The following DCC variants were observed in gnomAD, a reference collection of about 807,000 sequenced individuals.
DCC encodes the protein netrin receptor DCC.
In DCC, 58 loss-of-function variants were observed where a neutral mutation model predicts 172.5. The observed-to-expected ratio is 0.34, with a 90% CI of 0.27 to 0.42. The LOEUF (loss-of-function observed/expected upper bound fraction) is 0.42, where lower values mean the gene tolerates loss of function less well. DCC is among the 10% of genes least tolerant of loss of function. The pLI is 1.00. For missense variants in DCC, 1,740 were observed against 1,791.0 expected, an observed-to-expected ratio of 0.97 and a Z score of 0.51; for synonymous variants, 709 against 644.5, an observed-to-expected ratio of 1.10 and a Z score of -1.52.
At chr18:52,855,349 T>A (rs981004376) in intron 2 of DCC, among the ~76,000 whole-genome samples, 1 of 152,222 alleles carries the variant, frequency 6.6e-6, no homozygotes, top group African/African-American at 2.4e-5. Context: ...ATTACTTATT[T>A]TCTCCCTGTA....
At chr18:52,702,780 T>TA (rs1352896398) in intron 1 of DCC, among the ~76,000 whole-genome samples, 2 of 152,208 alleles carry the variant, frequency 1.3e-5, no homozygotes, top group South Asian at 4.1e-4. Flanking sequence ...TTCTAAGGTC[T>TA]ATATCTGGCC....
chr18:53,021,108 G>A, intron 5 of DCC, among the ~76,000 whole-genome samples: 1 of 151,980 alleles, frequency 6.6e-6, no homozygotes, highest in East Asian at 1.9e-4. Flanking sequence ...CGGCCTGAGG[G>A]AAAGGGCACT....
chr18:52,911,464 A>G (rs113860158), intron 3 of DCC, among the ~76,000 whole-genome samples: 1 of 152,136 alleles, frequency 6.6e-6, no homozygotes, highest in Non-Finnish European at 1.5e-5. Context: ...CATGCCCTAA[A>G]TTGTACAATT....
intron 22 of DCC, among the ~76,000 whole-genome samples, chr18:53,448,385 G>A (rs1599162292): frequency 6.6e-6 from 1 of 152,118 alleles, no homozygotes. Context: ...GAGCAAAAGG[G>A]GGGAAAGGAC....
At chr18:53,286,782 C>T (rs924759282) in intron 12 of DCC, among the ~76,000 whole-genome samples, 1 of 152,184 alleles carries the variant, frequency 6.6e-6, no homozygotes, top group Non-Finnish European at 1.5e-5. Context: ...TTTAGGTTCC[C>T]TCTGGAAAGT....
At chr18:52,953,019 A>C (rs2040680911) in intron 5 of DCC, among the ~76,000 whole-genome samples, 3 of 150,956 alleles carry the variant, frequency 2.0e-5, no homozygotes, top group South Asian at 4.2e-4. Flanking sequence ...AAAAAAAAAA[A>C]AAAAAAAAAC....
At chr18:53,106,085 C>T (rs1285887142) in intron 7 of DCC, among the ~76,000 whole-genome samples, 1 of 151,690 alleles carries the variant, frequency 6.6e-6, no homozygotes, top group Non-Finnish European at 1.5e-5. Flanking sequence ...CAGAGCCCCC[C>T]AGTTATCAGT....
intron 1 of DCC, among the ~76,000 whole-genome samples, chr18:52,497,280 AATAT>A (rs1172366771): frequency 9.3e-5 from 2 of 21,562 alleles, no homozygotes; most frequent in South Asian, 1.2e-3. Flanking sequence ...AAAAAAAAAA[AATAT>A]ATATATATAT....
intron 5 of DCC, among the ~76,000 whole-genome samples, chr18:52,992,067 T>C (rs1299960060): frequency 6.6e-6 from 1 of 152,226 alleles, no homozygotes; most frequent in Admixed American, 6.6e-5. Context: ...GTTATTATTA[T>C]AGTCTACAGG....
chr18:53,128,130 C>T (rs2043592933), intron 7 of DCC, among the ~76,000 whole-genome samples: 1 of 152,066 alleles, frequency 6.6e-6, no homozygotes, highest in Non-Finnish European at 1.5e-5. Context: ...AATGAATAAA[C>T]CTAAGGTCAC....
intron 5 of DCC, among the ~76,000 whole-genome samples, chr18:53,047,939 T>C (rs2042279509): frequency 6.6e-6 from 1 of 151,102 alleles, no homozygotes; most frequent in Non-Finnish European, 1.5e-5. Context: ...GTGTATAGTT[T>C]ATGTATTTAA....
intron 1 of DCC, among the ~76,000 whole-genome samples, chr18:52,730,904 T>TAG (rs1431955349): frequency 1.3e-5 from 2 of 152,210 alleles, no homozygotes; most frequent in Non-Finnish European, 2.9e-5. Context: ...ATTGGTTTTC[T>TAG]AGAGAAGTCT....
intron 1 of DCC, among the ~76,000 whole-genome samples, chr18:52,550,087 A>T (rs1239876851): frequency 1.3e-5 from 2 of 152,044 alleles, no homozygotes. Flanking sequence ...GATAGTATGT[A>T]CCCTTTGTAG....
intron 1 of DCC, among the ~76,000 whole-genome samples, chr18:52,367,725 C>G (rs1474098220): frequency 1.3e-5 from 2 of 152,140 alleles, no homozygotes; most frequent in Non-Finnish European, 2.9e-5. Context: ...CCTCTAACAA[C>G]TTTGATGGGG....
At chr18:52,459,758 C>G (rs998074753) in intron 1 of DCC, among the ~76,000 whole-genome samples, 1 of 152,000 alleles carries the variant, frequency 6.6e-6, no homozygotes, top group Middle Eastern at 3.4e-3. Flanking sequence ...CGTGAGCAAC[C>G]GCGCCCAGGC....
chr18:53,407,128 TATC>T (rs957311430), intron 19 of DCC, among the ~76,000 whole-genome samples: 3 of 152,148 alleles, frequency 2.0e-5, no homozygotes, highest in African/African-American at 7.2e-5. Context: ...ACAAATATTT[TATC>T]ATCATCTGAT....
chr18:52,975,195 G>C (rs1568221703), intron 5 of DCC, among the ~76,000 whole-genome samples: 1 of 152,152 alleles, frequency 6.6e-6, no homozygotes, highest in Non-Finnish European at 1.5e-5. Flanking sequence ...GCAGGCTAGA[G>C]ATCCAAGATC....
chr18:52,460,914 G>T (rs959364096), intron 1 of DCC, among the ~76,000 whole-genome samples: 2 of 152,062 alleles, frequency 1.3e-5, no homozygotes, highest in African/African-American at 4.8e-5. Flanking sequence ...CACTATTGTA[G>T]ATTTTATAAA....
At chr18:52,752,467 G>T in intron 2 of DCC, 93 bp downstream of exon 2, 1 of 968,488 alleles carries the variant, frequency 1.0e-6, no homozygotes, top group Non-Finnish European at 1.6e-6. Context: ...TAGAAATAAT[G>T]TACATTTTAA....
Sources: allele counts gnomAD v4.1 joint callset (sites outside exome capture counted in the v4.1 genomes callset), GRCh38; gene constraint gnomAD v4.1.1; transcripts MANE v1.5; gene names NCBI Gene and HGNC (gene_info 2026-07-23, HGNC 2026-07-21).